The following PGBD5 variants were observed in gnomAD, a reference collection of about 807,000 sequenced individuals.
PGBD5 encodes the protein piggyBac transposable element-derived protein 5.
Under a neutral mutation model 47.9 loss-of-function variants are expected in PGBD5, and 14 were observed. The ratio of observed to expected loss-of-function variants is 0.29; its 90% CI spans 0.19 to 0.46. The LOEUF is 0.46. PGBD5 is among the 20% of genes least tolerant of loss of function. PGBD5 has a pLI of 1.00. For missense variants in PGBD5, 635 were observed against 716.0 expected (o/e 0.89, Z 1.29); for synonymous variants, 316 against 306.3 (o/e 1.03, Z -0.33).
In PGBD5 at chr1:230,355,398, G is replaced by A. The variant is rs1050423997; in HGVS notation, c.759+1496C>T. On this transcript the variant is annotated intron_variant, in intron 2 of 6. Transcript: ENST00000391860. ...CTCTTGAGAGATACTTAGGCACAGC[G>A]AGCACACAGCCTTCTGCGGCACCTC... is the stretch of plus-strand genomic sequence containing the variant. Among the ~76,000 whole-genome samples the A allele has an allele frequency of 6.6e-5, 10 of 152,350 alleles. No individual in the cohort carries two copies. In the South Asian group the frequency reaches 1.4e-3, roughly 22 times the overall value.
At chr1:230,401,555 A>G (rs779756560) in intron 1 of PGBD5, among the ~76,000 whole-genome samples, 18 of 152,244 alleles carry the variant, frequency 1.2e-4, no homozygotes, top group Non-Finnish European at 2.4e-4. Context: ...GGCAAGACCC[A>G]GAAGGAAAAA....
chr1:230,424,826 C>T (rs917174416), intron 1 of PGBD5, among the ~76,000 whole-genome samples: 2 of 152,246 alleles, frequency 1.3e-5, no homozygotes, highest in African/African-American at 2.4e-5. Flanking sequence ...GATATTTCAA[C>T]AGCCAACTCC....
chr1:230,326,244 C>G (rs1667115720), intron 5 of PGBD5, among the ~76,000 whole-genome samples: 1 of 152,094 alleles, frequency 6.6e-6, no homozygotes, highest in Admixed American at 6.5e-5. Context: ...ATGGCAAAAC[C>G]CCATCTCTAC....
chr1:230,417,483 A>G (rs567232185), intron 1 of PGBD5, among the ~76,000 whole-genome samples: 27 of 152,358 alleles, frequency 1.8e-4, no homozygotes, highest in South Asian at 8.3e-4. Context: ...AGATATTTTC[A>G]CTAAGAAAGT....
At chr1:230,380,333 T>C (rs1470172828) in intron 1 of PGBD5, among the ~76,000 whole-genome samples, 1 of 152,234 alleles carries the variant, frequency 6.6e-6, no homozygotes, top group Admixed American at 6.5e-5. Context: ...GAGTTACTAA[T>C]TCAGATGCCA....
In PGBD5 at chr1:230,323,480, C is replaced by A. The variant is rs1219560007; in HGVS notation, c.1520G>T (p.Gly507Val). Reference sequence around the variant, plus strand: ...CAGCAGCTCTCTGACGAGTCTCTCTCCAAACTGCGCCCGGCTGTACCTCTT... The same window carrying A: ...CAGCAGCTCTCTGACGAGTCTCTCTACAAACTGCGCCCGGCTGTACCTCTT... ...HVKRYSRAQF[G>V]ERLVRELLGL... The change falls in exon 7 of 7, where the codon GGA (glycine) becomes GTA (valine). Residue 507 changes from glycine to valine, a missense_variant. Transcript: ENST00000391860. This position sits in a 1 kb window ranked among gnomAD's most constrained non-coding sequence, Gnocchi z 4.1. 4 of 1,614,070 alleles carry A rather than the reference C, an allele frequency of 2.5e-6. No individual in the cohort carries two copies. Among genetic ancestry groups the A allele is most frequent in the Non-Finnish European group, 3.4e-6 (4 of 1,180,028 alleles).
intron 1 of PGBD5, among the ~76,000 whole-genome samples, chr1:230,421,145 G>A (rs1441048964): frequency 6.6e-6 from 1 of 152,170 alleles, no homozygotes; most frequent in Non-Finnish European, 1.5e-5. Flanking sequence ...GGGACAGCAA[G>A]GATTAAACAG....
In PGBD5 at chr1:230,362,386, C is replaced by G. The variant is rs763337212; in HGVS notation, c.332-5065G>C. The G allele has an allele frequency of 5.4e-5, 74 of 1,362,532 alleles. 1 individual carries two copies. The South Asian group carries it at 6.4e-4, about 12-fold the overall frequency. The allele number at this position is 1,362,532 out of a possible 1,614,324, so 84.4% of individuals were successfully genotyped here. Reference sequence around the variant, plus strand: ...CTGTCGCTGCCTCTGGCCTGGATGACAGACAGTTGTGGAGGCTTGCCGGGG... The same window carrying G: ...CTGTCGCTGCCTCTGGCCTGGATGAGAGACAGTTGTGGAGGCTTGCCGGGG... On this transcript the variant is annotated intron_variant, in intron 1 of 6. Transcript: ENST00000391860.
chr1:230,337,575 G>A (rs888288605), intron 3 of PGBD5, among the ~76,000 whole-genome samples: 22 of 152,220 alleles, frequency 1.4e-4, no homozygotes, highest in Admixed American at 1.2e-3. Flanking sequence ...TACATTCCCC[G>A]GCTTTCAAAC....
At chr1:230,350,874 TGG>T in intron 3 of PGBD5, 82 bp downstream of exon 3, 1 of 1,542,834 alleles carries the variant, frequency 6.5e-7, no homozygotes, top group South Asian at 1.3e-5. Context: ...AACAAGTTCT[TGG>T]GTATCAGATG....
chr1:230,413,446 G>A (rs1185842723), intron 1 of PGBD5, among the ~76,000 whole-genome samples: 1 of 152,108 alleles, frequency 6.6e-6, no homozygotes, highest in Non-Finnish European at 1.5e-5. Context: ...GCTGCAGTGA[G>A]CCGTGATCGC....
intron 1 of PGBD5, chr1:230,367,805 TTCA>T (rs1667862133): frequency 1.8e-6 from 2 of 1,081,158 alleles, no homozygotes; most frequent in African/African-American, 3.4e-5. Context: ...GTGGAGGCTC[TTCA>T]TCATATCAAC....
chr1:230,391,502 C>T (rs17782420), intron 1 of PGBD5, among the ~76,000 whole-genome samples: 21,736 of 152,118 alleles, frequency 0.14, 1,642 homozygotes, highest in South Asian at 0.2. Flanking sequence ...TGAAATTTCC[C>T]GGAATCAGGG....
At chr1:230,399,868 C>T (rs897222205) in intron 1 of PGBD5, among the ~76,000 whole-genome samples, 9 of 152,258 alleles carry the variant, frequency 5.9e-5, no homozygotes, top group East Asian at 1.9e-4. Flanking sequence ...CTTCACAACA[C>T]GTCAGGAATC....
rs527829901 is a variant in PGBD5 at position 230,371,240 on chromosome 1, C to T, written c.332-13919G>A. Among the ~76,000 whole-genome samples, 4 of 152,198 alleles carry T rather than the reference C, an allele frequency of 2.6e-5. No homozygotes were observed. In the South Asian group the frequency reaches 8.3e-4, roughly 32 times the overall value. The stretch of plus-strand genomic sequence containing the variant: ...CAATTCTATTTTTTTTCTAAGCTTG[C>T]AATTATGCAGTTTCAGGATGGGGTT... On this transcript the variant is annotated intron_variant, in intron 1 of 6. Transcript: ENST00000391860.
chr1:230,326,850 T>A (rs958207680), intron 5 of PGBD5, among the ~76,000 whole-genome samples: 1 of 152,088 alleles, frequency 6.6e-6, no homozygotes, highest in Non-Finnish European at 1.5e-5. Context: ...CGTCCTTTCA[T>A]GCCTCCTCGA....
At position 230,422,807 on chromosome 1, in the gene PGBD5, G is replaced by A. The variant is rs115392686; in HGVS notation, c.331+2791C>T. On this transcript the variant is annotated intron_variant, in intron 1 of 6. Coordinates refer to ENST00000391860, the MANE Select transcript of PGBD5 (RefSeq NM_001258311.2). ...GCGAGGATTTCCCACCTTAACTACA[G>A]AAATGTTGCTTTTAGGGCTGGCACG... Among the ~76,000 whole-genome samples, 1,229 of 152,184 alleles carry A rather than the reference G, an allele frequency of 8.1e-3. 17 individuals carry two copies. Among genetic ancestry groups the A allele is most frequent in the African/African-American group, 0.029 (1,185 of 41,506 alleles).
At chr1:230,351,228 C>T in intron 2 of PGBD5, 136 bp from the exon 3 acceptor site, 1 of 952,596 alleles carries the variant, frequency 1.0e-6, no homozygotes, top group South Asian at 2.1e-5. Context: ...CTCTCTGATC[C>T]TGACCCTTCT....
At chr1:230,329,179 G>T (rs1667172692) in intron 5 of PGBD5, among the ~76,000 whole-genome samples, 1 of 151,974 alleles carries the variant, frequency 6.6e-6, no homozygotes, top group South Asian at 2.1e-4. Flanking sequence ...GCTCAGACTG[G>T]TCTCAAACTC....
Sources: allele counts gnomAD v4.1 joint callset (sites outside exome capture counted in the v4.1 genomes callset), GRCh38; gene constraint gnomAD v4.1.1; non-coding constraint Gnocchi (gnomAD v3.1); transcripts MANE v1.5; gene names NCBI Gene and HGNC (gene_info 2026-07-23, HGNC 2026-07-21).